The following KIAA0232 variants were observed in gnomAD, a reference collection of about 807,000 sequenced individuals.
KIAA0232 encodes uncharacterized protein KIAA0232.
A neutral mutation model predicts 122.0 loss-of-function variants in KIAA0232; 27 were observed. That is an observed-to-expected ratio of 0.22 (90% CI 0.16 to 0.31). KIAA0232 has a LOEUF of 0.31. KIAA0232 is among the 10% of genes least tolerant of loss of function. The probability of loss-of-function intolerance (pLI) is 1.00; values close to 1 mark genes in which losing one functional copy is unlikely to be tolerated. For synonymous variants in KIAA0232, 613 were observed against 587.6 expected (o/e 1.04, Z -0.63); for missense variants, 1,551 against 1,634.2 (o/e 0.95, Z 0.88).
intron 6 of KIAA0232, among the ~76,000 whole-genome samples, chr4:6,859,385 C>T (rs1720740043): frequency 6.6e-6 from 1 of 151,982 alleles, no homozygotes; most frequent in Admixed American, 6.6e-5. Flanking sequence ...CTGTATTATC[C>T]AGCACAGAAG....
intron 3 of KIAA0232, among the ~76,000 whole-genome samples, chr4:6,834,348 ATATAGT>A (rs1035013025): frequency 2.0e-5 from 3 of 150,652 alleles, no homozygotes; most frequent in African/African-American, 2.4e-5. Context: ...TGTACTGATA[ATATAGT>A]TAGAGGAATA....
intron 1 of KIAA0232, among the ~76,000 whole-genome samples, chr4:6,785,806 T>A (rs916510209): frequency 1.3e-5 from 2 of 152,240 alleles, no homozygotes; most frequent in African/African-American, 4.8e-5. Context: ...ATCTCTGTAC[T>A]TTATCTTGTC....
intron 4 of KIAA0232, among the ~76,000 whole-genome samples, chr4:6,852,025 G>A (rs1031592466): frequency 1.3e-5 from 2 of 151,746 alleles, no homozygotes; most frequent in Non-Finnish European, 2.9e-5. Flanking sequence ...TCTATTTTTT[G>A]TTGAAAACTT....
intron 1 of KIAA0232, among the ~76,000 whole-genome samples, chr4:6,784,565 C>G (rs535780600): frequency 2.6e-5 from 4 of 152,266 alleles, no homozygotes; most frequent in South Asian, 4.1e-4. Context: ...ATGACAGAAC[C>G]TATTTCCGAG....
At chr4:6,841,154 A>G (rs1444061927) in intron 3 of KIAA0232, among the ~76,000 whole-genome samples, 1 of 152,218 alleles carries the variant, frequency 6.6e-6, no homozygotes, top group Non-Finnish European at 1.5e-5. Flanking sequence ...ATCATAAATA[A>G]TGTCAGGCTG....
rs1722050769 is a variant in KIAA0232, at chr4:6,881,068, T to A, written c.*102T>A. 3 of 768,856 alleles carry A rather than the reference T, an allele frequency of 3.9e-6. No individual in the cohort carries two copies. The East Asian group carries it at 9.7e-5, about 25-fold the overall frequency. 47.6% of individuals were successfully genotyped at this position (768,856 alleles called of 1,614,324 possible). On this transcript the variant is annotated 3_prime_UTR_variant, in exon 10 of 10. Coordinates refer to ENST00000307659, the MANE Select transcript of KIAA0232 (RefSeq NM_014743.3). Reference sequence around the variant, plus strand: ...TAAAACAACAACTTAGGTTTCCTCTTCAATTAACTGATTCAGATTGGTAAT... The same window carrying A: ...TAAAACAACAACTTAGGTTTCCTCTACAATTAACTGATTCAGATTGGTAAT...
At chr4:6,869,215 C>T (rs1157842399) in intron 7 of KIAA0232, among the ~76,000 whole-genome samples, 1 of 152,204 alleles carries the variant, frequency 6.6e-6, no homozygotes, top group Non-Finnish European at 1.5e-5. Flanking sequence ...GAACTCACTC[C>T]CTTTCTTGAT....
chr4:6,842,970 T>C (rs1287328980), intron 4 of KIAA0232, among the ~76,000 whole-genome samples: 1 of 152,200 alleles, frequency 6.6e-6, no homozygotes, highest in Non-Finnish European at 1.5e-5. Context: ...TTTGGATACA[T>C]TCCTAGAAGG....
chr4:6,842,013 A>AT (rs1560187055), intron 3 of KIAA0232, 54 bp from the exon 4 acceptor site: 1 of 1,602,598 alleles, frequency 6.2e-7, no homozygotes, highest in Non-Finnish European at 8.5e-7. Context: ...TAGGTGGAAC[A>AT]TAGTAGTGTC....
chr4:6,810,124 A>T (rs1386906743), intron 2 of KIAA0232, among the ~76,000 whole-genome samples: 1 of 152,238 alleles, frequency 6.6e-6, no homozygotes, highest in Non-Finnish European at 1.5e-5. Context: ...AGCCAAAGCA[A>T]TCCTGACCAA....
At chr4:6,866,031 C>G (rs1721165165) in intron 7 of KIAA0232, among the ~76,000 whole-genome samples, 1 of 152,124 alleles carries the variant, frequency 6.6e-6, no homozygotes, top group Non-Finnish European at 1.5e-5. Flanking sequence ...AGGCACTGCT[C>G]TAATCAGCTA....
At chr4:6,829,924 C>G (rs1718878480) in intron 3 of KIAA0232, among the ~76,000 whole-genome samples, 1 of 152,094 alleles carries the variant, frequency 6.6e-6, no homozygotes, top group Non-Finnish European at 1.5e-5. Flanking sequence ...TCTTATAACC[C>G]CAAATATGCT....
At chr4:6,867,532 T>C (rs1486051086) in intron 7 of KIAA0232, among the ~76,000 whole-genome samples, 1 of 152,214 alleles carries the variant, frequency 6.6e-6, no homozygotes, top group Non-Finnish European at 1.5e-5. Flanking sequence ...GTTTCTTTGG[T>C]TGCCAACTTA....
At chr4:6,877,826 C>G (rs1227604211) in intron 9 of KIAA0232, among the ~76,000 whole-genome samples, 28 of 152,146 alleles carry the variant, frequency 1.8e-4, no homozygotes. Context: ...CACAGACACA[C>G]CCAGGATCAG....
chr4:6,875,808 G>A (rs1721720055), intron 8 of KIAA0232, among the ~76,000 whole-genome samples: 1 of 152,190 alleles, frequency 6.6e-6, no homozygotes, highest in South Asian at 2.1e-4. Context: ...TCTGCACTGT[G>A]CCTCTGCCCC....
intron 3 of KIAA0232, among the ~76,000 whole-genome samples, chr4:6,834,078 C>T (rs1374893940): frequency 2.6e-5 from 4 of 152,084 alleles, no homozygotes; most frequent in Non-Finnish European, 5.9e-5. Context: ...GTGCCTGACT[C>T]TCCATTTCTT....
rs751999407 is a variant in KIAA0232 at position 6,857,175 on chromosome 4, C to T, written c.381C>T (p.Ile127=). 23 of 1,607,936 alleles carry T rather than the reference C, an allele frequency of 1.4e-5. No individual in the cohort carries two copies. Among genetic ancestry groups the T allele is most frequent in the Middle Eastern group, 1.6e-4 (1 of 6,064 alleles). The change falls in exon 5 of 10, where the codon ATC becomes ATT. Residue 127 remains isoleucine (I), a synonymous_variant. Coordinates refer to ENST00000307659, the MANE Select transcript of KIAA0232 (RefSeq NM_014743.3). ...LRSASDESSG[I]ETLVEELCSR... ...TTGTTGTCATGCAGAGCTCTGGTATCGAGACTTTAGTGGAGGAGCTCTGCT... is the reference window on the plus strand; with the variant it reads ...TTGTTGTCATGCAGAGCTCTGGTATTGAGACTTTAGTGGAGGAGCTCTGCT...
At chr4:6,867,645 C>G (rs1173244862) in intron 7 of KIAA0232, among the ~76,000 whole-genome samples, 1 of 152,170 alleles carries the variant, frequency 6.6e-6, no homozygotes, top group Non-Finnish European at 1.5e-5. Flanking sequence ...CTGTGGAGGT[C>G]AGCAGGTCTG....
chr4:6,804,235 G>A (rs1475580398), intron 1 of KIAA0232, among the ~76,000 whole-genome samples: 3 of 152,120 alleles, frequency 2.0e-5, no homozygotes, highest in Non-Finnish European at 4.4e-5. Flanking sequence ...GTTAAATACA[G>A]GTATTCCTGC....
Sources: gnomAD v4.1 joint callset for allele counts (sites outside exome capture counted in the v4.1 genomes callset) on GRCh38, gnomAD v4.1.1 for gene constraint, MANE v1.5 for transcripts, NCBI Gene and HGNC (gene_info 2026-07-23, HGNC 2026-07-21) for gene names.